Variants in CALML4 observed in about 807,000 individuals in gnomAD.
The protein encoded by CALML4 is calmodulin like 4, also known as calmodulin-like protein 4.
In CALML4, 16 loss-of-function variants were observed where a neutral mutation model predicts 17.9. The ratio of observed to expected loss-of-function variants is 0.89; its 90% CI spans 0.61 to 1.36. CALML4 has a LOEUF of 1.36. CALML4 is among the 40% of genes most tolerant of loss of function. CALML4 has a pLI of 0.00. For missense variants in CALML4, 203 were observed against 194.8 expected, an observed-to-expected ratio of 1.04 and a Z score of -0.25; for synonymous variants, 86 against 71.5, an observed-to-expected ratio of 1.20 and a Z score of -1.02.
intron 2 of CALML4, among the ~76,000 whole-genome samples, chr15:68,202,942 G>A (rs1170377547): frequency 6.6e-6 from 1 of 151,554 alleles, no homozygotes; most frequent in Admixed American, 6.6e-5. Flanking sequence ...AGCCTCCTGA[G>A]TAGCTGGAAT....
intron 2 of CALML4, among the ~76,000 whole-genome samples, chr15:68,201,866 T>A (rs1161455602): frequency 6.6e-6 from 1 of 152,188 alleles, no homozygotes; most frequent in Non-Finnish European, 1.5e-5. Context: ...CTCCACCATC[T>A]CTTCACTCTC....
At position 68,200,344 on chromosome 15, in the gene CALML4, G is replaced by A. The variant is rs951324149; in HGVS notation, c.35-663C>T. ...AAACCCTCAAGCTGTCCTTGGACTC[G>A]GGCCCTGGTCCTGTTCTTAGAGACT... On this transcript the variant is annotated intron_variant, in intron 2 of 4. Transcript: ENST00000467889. The surrounding 1 kb of genome is among the most constrained non-coding windows in gnomAD (Gnocchi z 4.3). 1.3e-5 allele frequency among the ~76,000 whole-genome samples: 2 copies of A among 152,164 alleles called. No individual in the cohort carries two copies. The highest frequency in any genetic ancestry group is 4.8e-5 in the African/African-American group (2 of 41,442).
At position 68,204,132 on chromosome 15, in the gene CALML4, G is replaced by A. The variant is rs2093174320; in HGVS notation, c.34+989C>T. On this transcript the variant is annotated intron_variant, in intron 2 of 4. Coordinates refer to ENST00000467889, the MANE Select transcript of CALML4 (RefSeq NM_033429.3). The surrounding 1 kb of genome is among the most constrained non-coding windows in gnomAD (Gnocchi z 6.0). ...ATAAAGAGTTCCAGGGTTCTACGTG[G>A]AGGTGCCCACCTGGAGCTCACAATT... Among the ~76,000 whole-genome samples the A allele has an allele frequency of 6.6e-6, 1 of 152,110 alleles. No homozygotes were observed. The highest frequency in any genetic ancestry group is 6.5e-5 in the Admixed American group (1 of 15,276).
chr15:68,205,188 C>A lies in CALML4; in HGVS notation c.4-37G>T. 1 of 1,614,116 alleles carries A rather than the reference C, an allele frequency of 6.2e-7. No individual in the cohort carries two copies. Among genetic ancestry groups the A allele is most frequent in the Non-Finnish European group, 8.5e-7 (1 of 1,179,994 alleles). ...AAAGGAAAACAGTCAGGGGAGGGCT[C>A]CACCTGAGGTTCACGCCCCCAGCCC... On this transcript the variant is annotated intron_variant, in intron 1 of 4. Coordinates refer to ENST00000467889, the MANE Select transcript of CALML4 (RefSeq NM_033429.3). The surrounding 1 kb of genome is among the most constrained non-coding windows in gnomAD (Gnocchi z 4.8).
Position 68,193,891 on chromosome 15 carries a change from A to G in CALML4, c.*124T>C. On this transcript the variant is annotated 3_prime_UTR_variant, in exon 5 of 5. Transcript: ENST00000467889. ...ATTGTTGCTAGTTAGCCTCTCTTCT[A>G]TAGTTGGGTAATGTTGTCTTGCCAC... The G allele has an allele frequency of 1.5e-6, 1 of 650,470 alleles. No individual in the cohort carries two copies. 40.3% of individuals were successfully genotyped at this position (650,470 alleles called of 1,614,324 possible). A position where few individuals can be genotyped will look rare whatever the true frequency, so the allele number is the denominator to read the frequency against.
Position 68,197,447 on chromosome 15 carries a change from G to A in CALML4, c.357C>T (p.His119=). 3 of 1,613,622 alleles carry A rather than the reference G, an allele frequency of 1.9e-6. No homozygotes were observed. The highest frequency in any genetic ancestry group is 2.5e-6 in the Non-Finnish European group (3 of 1,179,792). Residue 119 remains histidine (H), a synonymous_variant, in exon 4 of 5, where the codon CAC becomes CAT. Coordinates refer to ENST00000467889, the MANE Select transcript of CALML4 (RefSeq NM_033429.3). This position sits in a 1 kb window ranked among gnomAD's most constrained non-coding sequence, Gnocchi z 4.1. ...CAGGACCCAGGCTGTTACCTTCCTT[G>A]TGGGTGAGCTTCTCCCCCAGACTCG... ...KLTSLGEKLT[H]KEVDDLFREA...
chr15:68,199,028 G>A (rs570770513), intron 3 of CALML4, among the ~76,000 whole-genome samples: 5 of 152,094 alleles, frequency 3.3e-5, no homozygotes, highest in African/African-American at 9.6e-5. Flanking sequence ...TAGGCGTGGT[G>A]GCAGGCACCT....
chr15:68,202,643 C>CTTTT (rs35347293), intron 2 of CALML4, among the ~76,000 whole-genome samples: 4 of 127,772 alleles, frequency 3.1e-5, no homozygotes, highest in South Asian at 2.5e-4. Context: ...GTTTTGCCAA[C>CTTTT]TTTTTTTTTT....
rs564940546 is a variant in CALML4, at chr15:68,192,354, G to T, written c.*1661C>A. 2.0e-5 allele frequency: 3 copies of T among 152,220 alleles called. No homozygotes were observed. Among genetic ancestry groups the T allele is most frequent in the Non-Finnish European group, 4.4e-5 (3 of 68,082 alleles). The allele number at this position is 152,220 out of a possible 1,614,324, so 9.4% of individuals were successfully genotyped here. A position where few individuals can be genotyped will look rare whatever the true frequency, so the allele number is the denominator to read the frequency against. On this transcript the variant is annotated 3_prime_UTR_variant, in exon 5 of 5. Coordinates refer to ENST00000467889, the MANE Select transcript of CALML4 (RefSeq NM_033429.3). Reference sequence around the variant, plus strand: ...TTCACTTGTTCTGGTCCTAGGAGCAGCCCCAGAAATTCTGCATTTCTGTTT... The same window carrying T: ...TTCACTTGTTCTGGTCCTAGGAGCATCCCCAGAAATTCTGCATTTCTGTTT...
chr15:68,196,483 T>C (rs2093145082), intron 4 of CALML4, among the ~76,000 whole-genome samples: 1 of 152,192 alleles, frequency 6.6e-6, no homozygotes, highest in African/African-American at 2.4e-5. Context: ...GTCCGTCATA[T>C]TGAAGCCTCT....
In CALML4 at chr15:68,204,726, CAG is replaced by C. The variant is rs1288316706; in HGVS notation, c.34+393_34+394del. On this transcript the variant is annotated intron_variant, in intron 2 of 4. Transcript: ENST00000467889. The surrounding 1 kb of genome is among the most constrained non-coding windows in gnomAD (Gnocchi z 6.0). ...GGCGCAGAGAGTAGACGCATCCTGC[CAG>C]AGAGTGCAGACCTGGCCTCTGTTCT... 2.0e-5 allele frequency among the ~76,000 whole-genome samples: 3 copies of C among 152,090 alleles called. No individual in the cohort carries two copies. The highest frequency in any genetic ancestry group is 1.9e-4 in the East Asian group (1 of 5,184).
intron 4 of CALML4, among the ~76,000 whole-genome samples, chr15:68,195,634 G>C (rs1018403188): frequency 1.3e-5 from 2 of 151,966 alleles, no homozygotes; most frequent in African/African-American, 4.8e-5. Flanking sequence ...GGCCTCAGGA[G>C]AAGGCTTCAC....
In CALML4 at chr15:68,193,858, C is replaced by A. The variant is rs897054922; in HGVS notation, c.*157G>T. The A allele has an allele frequency of 6.7e-6, 4 of 596,730 alleles. No homozygotes were observed. The highest frequency in any genetic ancestry group is 3.7e-5 in the African/African-American group (2 of 53,618). The allele number at this position is 596,730 out of a possible 1,614,324, so 37.0% of individuals were successfully genotyped here. A position where few individuals can be genotyped will look rare whatever the true frequency, so the allele number is the denominator to read the frequency against. On this transcript the variant is annotated 3_prime_UTR_variant, in exon 5 of 5. Transcript: ENST00000467889. ...GATCTACTCATACCATGGCTGAAAT[C>A]ATCTATTATTGTTGCTAGTTAGCCT...
chr15:68,197,684 C>T lies in CALML4; in HGVS notation c.176-56G>A. ...CAGAGGGAAAAAGACTCCTAGGAAG[C>T]CAGCTGGCCTCCTGCTGGACCTGCA... On this transcript the variant is annotated intron_variant, in intron 3 of 4. Coordinates refer to ENST00000467889, the MANE Select transcript of CALML4 (RefSeq NM_033429.3). This position sits in a 1 kb window ranked among gnomAD's most constrained non-coding sequence, Gnocchi z 4.1. 1 of 1,545,084 alleles carries T rather than the reference C, an allele frequency of 6.5e-7. No individual in the cohort carries two copies. The highest frequency in any genetic ancestry group is 8.8e-7 in the Non-Finnish European group (1 of 1,132,294).
At chr15:68,202,722 C>A (rs1278803879) in intron 2 of CALML4, among the ~76,000 whole-genome samples, 1 of 149,136 alleles carries the variant, frequency 6.7e-6, no homozygotes, top group Non-Finnish European at 1.5e-5. Context: ...CAGCTCACTG[C>A]AGCCTCCACC....
chr15:68,201,056 A>C (rs2093164056), intron 2 of CALML4, among the ~76,000 whole-genome samples: 1 of 152,168 alleles, frequency 6.6e-6, no homozygotes, highest in Admixed American at 6.5e-5. Flanking sequence ...GGGTCCCTTC[A>C]TATTCCCTAA....
intron 2 of CALML4, among the ~76,000 whole-genome samples, chr15:68,202,565 C>A (rs2093168459): frequency 6.6e-6 from 1 of 151,784 alleles, no homozygotes; most frequent in African/African-American, 2.4e-5. Flanking sequence ...GAGATCATGC[C>A]ATTGCACAGA....
At chr15:68,198,826 A>G (rs560464143) in intron 3 of CALML4, among the ~76,000 whole-genome samples, 1 of 152,136 alleles carries the variant, frequency 6.6e-6, no homozygotes, top group Admixed American at 6.5e-5. Context: ...CATTGGCTCA[A>G]GAACTTAATG....
Position 68,204,541 on chromosome 15 carries a change from G to A in CALML4, c.34+580C>T, listed in dbSNP as rs1411846564. Among the ~76,000 whole-genome samples the A allele has an allele frequency of 6.6e-6, 1 of 152,194 alleles. No homozygotes were observed. Among genetic ancestry groups the A allele is most frequent in the Non-Finnish European group, 1.5e-5 (1 of 68,024 alleles). ...TTTGTAACGCAACTCTTTGCTCTTGGCCTTCTGGAAATAGAACCCTGCACG... is the reference window on the plus strand; with the variant it reads ...TTTGTAACGCAACTCTTTGCTCTTGACCTTCTGGAAATAGAACCCTGCACG... On this transcript the variant is annotated intron_variant, in intron 2 of 4. Coordinates refer to ENST00000467889, the MANE Select transcript of CALML4 (RefSeq NM_033429.3). The surrounding 1 kb of genome is among the most constrained non-coding windows in gnomAD (Gnocchi z 6.0).
Sources: gnomAD v4.1 joint callset for allele counts (sites outside exome capture counted in the v4.1 genomes callset) on GRCh38, gnomAD v4.1.1 for gene constraint, Gnocchi (gnomAD v3.1) non-coding constraint, MANE v1.5 for transcripts, NCBI Gene and HGNC (gene_info 2026-07-23, HGNC 2026-07-21) for gene names.